RGL1: variants seen among roughly 807,000 people sequenced by gnomAD.
RGL1 encodes the protein ral guanine nucleotide dissociation stimulator like 1.
A neutral mutation model predicts 95.2 loss-of-function variants in RGL1; 24 were observed. The observed-to-expected ratio is 0.25, with a 90% CI of 0.18 to 0.35. The LOEUF is 0.35. RGL1 is among the 10% of genes least tolerant of loss of function. The pLI is 1.00. For synonymous variants in RGL1, 329 were observed against 344.9 expected (o/e 0.95, Z 0.51); for missense variants, 715 against 936.3 (o/e 0.76, Z 3.08).
intron 1 of RGL1, among the ~76,000 whole-genome samples, chr1:183,681,248 G>T (rs956938590): frequency 1.3e-5 from 2 of 152,142 alleles, no homozygotes; most frequent in Non-Finnish European, 2.9e-5. Flanking sequence ...TCCTTGTCTT[G>T]TGCCTGTTTT....
At chr1:183,651,257 G>C (rs1650730907) in intron 1 of RGL1, among the ~76,000 whole-genome samples, 1 of 152,028 alleles carries the variant, frequency 6.6e-6, no homozygotes. Context: ...AACTTTGTCA[G>C]ATAACAAAAC....
At chr1:183,665,878 T>A (rs1651993226) in intron 1 of RGL1, among the ~76,000 whole-genome samples, 1 of 152,148 alleles carries the variant, frequency 6.6e-6, no homozygotes, top group South Asian at 2.1e-4. Context: ...TATTTTTAAT[T>A]TTATTGATTT....
Position 183,671,388 on chromosome 1 carries a change from T to G in RGL1, c.-33+34887T>G, listed in dbSNP as rs563045077. Among the ~76,000 whole-genome samples the G allele has an allele frequency of 3.9e-5, 6 of 152,346 alleles. No homozygotes were observed. The East Asian group carries it at 1.2e-3, about 29-fold the overall frequency. ...TGCTAAGTTTTATGATAAATAAATT[T>G]CAACTTTCTAAGAACTGCCAAACTG... On this transcript the variant is annotated intron_variant, in intron 1 of 18. Coordinates refer to the RGL1 transcript ENST00000304685.
At chr1:183,734,564 C>T (rs1350184698) in intron 1 of RGL1, among the ~76,000 whole-genome samples, 1 of 152,144 alleles carries the variant, frequency 6.6e-6, no homozygotes, top group Non-Finnish European at 1.5e-5. Context: ...GCTTAATTTC[C>T]TTCAACTTGA....
At chr1:183,677,099 T>C (rs1652875487) in intron 1 of RGL1, among the ~76,000 whole-genome samples, 1 of 151,772 alleles carries the variant, frequency 6.6e-6, no homozygotes, top group Non-Finnish European at 1.5e-5. Flanking sequence ...AGCCCTAGTT[T>C]TTACCTATTG....
intron 1 of RGL1, among the ~76,000 whole-genome samples, chr1:183,737,905 T>G (rs1657042498): frequency 6.6e-6 from 1 of 152,236 alleles, no homozygotes; most frequent in African/African-American, 2.4e-5. Flanking sequence ...AACAAAATTC[T>G]GTTTTGGGTA....
chr1:183,913,357 G>A (rs1014352628), intron 15 of RGL1, among the ~76,000 whole-genome samples: 12 of 151,664 alleles, frequency 7.9e-5, no homozygotes, highest in East Asian at 1.9e-4. Flanking sequence ...CACCATGCCC[G>A]CATAATTTTT....
intron 1 of RGL1, among the ~76,000 whole-genome samples, chr1:183,697,061 A>G (rs1006604660): frequency 6.6e-6 from 1 of 152,182 alleles, no homozygotes; most frequent in Non-Finnish European, 1.5e-5. Context: ...TATGTATGGT[A>G]AAAGCTGGAA....
chr1:183,828,105 AGAG>A (rs1352922874), intron 2 of RGL1, among the ~76,000 whole-genome samples: 3 of 152,178 alleles, frequency 2.0e-5, no homozygotes, highest in Admixed American at 1.3e-4. Context: ...TTTTAATAGG[AGAG>A]GAGAATGCAT....
At chr1:183,925,123 A>G (rs569942745) in intron 17 of RGL1, among the ~76,000 whole-genome samples, 1 of 152,238 alleles carries the variant, frequency 6.6e-6, no homozygotes, top group Non-Finnish European at 1.5e-5. Flanking sequence ...AAATAGTTTA[A>G]ATATTAAAAG....
At chr1:183,846,682 C>T (rs1336597147) in intron 2 of RGL1, among the ~76,000 whole-genome samples, 1 of 151,954 alleles carries the variant, frequency 6.6e-6, no homozygotes, top group African/African-American at 2.4e-5. Flanking sequence ...GAGTTCAAGA[C>T]CAGCCTGGCC....
intron 1 of RGL1, among the ~76,000 whole-genome samples, chr1:183,697,385 G>C (rs1317577635): frequency 6.6e-6 from 1 of 151,682 alleles, no homozygotes; most frequent in African/African-American, 2.4e-5. Flanking sequence ...TATTTTTATT[G>C]TCTTCCTTTT....
intron 2 of RGL1, chr1:183,754,525 A>G (rs1166636231): frequency 6.6e-6 from 1 of 152,156 alleles, no homozygotes; most frequent in Non-Finnish European, 1.5e-5. Context: ...GACCAAGGCT[A>G]CTTTCTTCTT....
At chr1:183,855,765 T>C (rs756552567) in intron 3 of RGL1, among the ~76,000 whole-genome samples, 1 of 152,226 alleles carries the variant, frequency 6.6e-6, no homozygotes, top group Non-Finnish European at 1.5e-5. Flanking sequence ...TGGTCTCTTA[T>C]AGCATTAACA....
At chr1:183,772,673 T>G (rs1259200417) in intron 2 of RGL1, among the ~76,000 whole-genome samples, 1 of 152,104 alleles carries the variant, frequency 6.6e-6, no homozygotes, top group Admixed American at 6.6e-5. Flanking sequence ...ATTTTGGGGT[T>G]GGCAGGCTCC....
intron 1 of RGL1, among the ~76,000 whole-genome samples, chr1:183,685,128 T>C (rs138839301): frequency 6.6e-6 from 1 of 152,318 alleles, no homozygotes; most frequent in African/African-American, 2.4e-5. Context: ...ATTGGAGAAA[T>C]GTATACAGTA....
At chr1:183,839,679 A>G (rs998864702) in intron 2 of RGL1, among the ~76,000 whole-genome samples, 9 of 152,190 alleles carry the variant, frequency 5.9e-5, no homozygotes, top group African/African-American at 2.2e-4. Flanking sequence ...TCCCATTTCA[A>G]CAGGACACAG....
intron 1 of RGL1, among the ~76,000 whole-genome samples, chr1:183,658,161 C>A (rs1651321357): frequency 1.3e-5 from 2 of 152,232 alleles, no homozygotes; most frequent in South Asian, 4.1e-4. Flanking sequence ...GCATTTCCAT[C>A]TGAGGTACTG....
At chr1:183,870,235 T>A (rs1572529846) in intron 4 of RGL1, among the ~76,000 whole-genome samples, 1 of 152,240 alleles carries the variant, frequency 6.6e-6, no homozygotes, top group East Asian at 1.9e-4. Flanking sequence ...CTGACGTGAC[T>A]GCTACGTAGT....
Sources: allele counts gnomAD v4.1 joint callset (sites outside exome capture counted in the v4.1 genomes callset), GRCh38; gene constraint gnomAD v4.1.1; transcripts MANE v1.5; gene names NCBI Gene and HGNC (gene_info 2026-07-23, HGNC 2026-07-21).